The following SPRED1 variants were observed in gnomAD, a reference collection of about 807,000 sequenced individuals.
SPRED1 encodes sprouty related EVH1 domain containing 1, also known as sprouty-related, EVH1 domain-containing protein 1.
SPRED1 carries 18 observed loss-of-function variants against 52.3 expected under a neutral mutation model. The observed-to-expected ratio is 0.34, with a 90% confidence interval of 0.24 to 0.51. The LOEUF is 0.51. Ranked by LOEUF, SPRED1 falls within the 20% of genes least tolerant of loss-of-function variation. The probability of loss-of-function intolerance (pLI) is 0.97; values close to 1 mark genes in which losing one functional copy is unlikely to be tolerated. For synonymous variants in SPRED1, 155 were observed against 179.7 expected, an observed-to-expected ratio of 0.86 and a Z score of 1.10; for missense variants, 485 against 551.0, an observed-to-expected ratio of 0.88 and a Z score of 1.20.
At chr15:38,331,591 A>T (rs566518922) in intron 4 of SPRED1, among the ~76,000 whole-genome samples, 1 of 152,232 alleles carries the variant, frequency 6.6e-6, no homozygotes, top group Non-Finnish European at 1.5e-5. Context: ...TTAAGCACTG[A>T]CATGTGGCTC....
chr15:38,342,793 G>A (rs549977392), intron 5 of SPRED1, among the ~76,000 whole-genome samples: 2 of 152,186 alleles, frequency 1.3e-5, no homozygotes, highest in South Asian at 4.1e-4. Context: ...AAAGCTTCTG[G>A]AATCTGTGAC....
In SPRED1 at chr15:38,277,589, A is replaced by G. The variant is rs111781310; in HGVS notation, c.33-21784A>G. Reference sequence around the variant, plus strand: ...AATGCTGTGATGAACATACATGTGCATGTGTCTTTATGGTAGAATGATTTA... The same window carrying G: ...AATGCTGTGATGAACATACATGTGCGTGTGTCTTTATGGTAGAATGATTTA... On this transcript the variant is annotated intron_variant, in intron 1 of 6. Coordinates refer to ENST00000299084, the MANE Select transcript of SPRED1 (RefSeq NM_152594.3). 8.4e-3 allele frequency among the ~76,000 whole-genome samples: 1,276 copies of G among 152,268 alleles called. 18 individuals are homozygous for G. The highest frequency in any genetic ancestry group is 0.029 in the African/African-American group (1,204 of 41,542).
chr15:38,300,406 T>C (rs116079008), intron 2 of SPRED1, among the ~76,000 whole-genome samples: 278 of 152,288 alleles, frequency 1.8e-3, no homozygotes, highest in African/African-American at 6.4e-3. Flanking sequence ...AAATATATAT[T>C]TGTGGATCTG....
At chr15:38,254,914 T>C (rs745892599) in intron 1 of SPRED1, among the ~76,000 whole-genome samples, 2 of 152,242 alleles carry the variant, frequency 1.3e-5, no homozygotes, top group African/African-American at 2.4e-5. Flanking sequence ...GTAACTTTTA[T>C]TGGTATCTTT....
chr15:38,313,942 C>G (rs962448025), intron 2 of SPRED1, among the ~76,000 whole-genome samples: 3 of 151,666 alleles, frequency 2.0e-5, no homozygotes, highest in African/African-American at 7.3e-5. Context: ...TAAGGGTTTT[C>G]TAATTCTCAT....
intron 1 of SPRED1, among the ~76,000 whole-genome samples, chr15:38,274,960 C>T (rs985129293): frequency 5.3e-5 from 8 of 152,064 alleles, no homozygotes; most frequent in Non-Finnish European, 8.8e-5. Flanking sequence ...TTTGTTTTGC[C>T]AGGTTTTGTA....
At position 38,324,740 on chromosome 15, in the gene SPRED1, TTAAC is replaced by T. The variant is rs770391922; in HGVS notation, c.377-21_377-18del. Reference sequence around the variant, plus strand: ...TCTAAGACAAAAATTCTATACTTAATTAACTTTTATCTATTTTCTTAGGATGCCC... The same window carrying T: ...TCTAAGACAAAAATTCTATACTTAATTTTTATCTATTTTCTTAGGATGCCC... On this transcript the variant is annotated intron_variant, in intron 3 of 6. Coordinates refer to ENST00000299084, the MANE Select transcript of SPRED1 (RefSeq NM_152594.3). 5.1e-6 allele frequency: 8 copies of T among 1,579,156 alleles called. No homozygotes were observed. In the South Asian group the frequency reaches 9.2e-5, roughly 18 times the overall value.
At chr15:38,263,641 G>C (rs905097018) in intron 1 of SPRED1, among the ~76,000 whole-genome samples, 28 of 152,206 alleles carry the variant, frequency 1.8e-4, no homozygotes, top group African/African-American at 5.5e-4. Context: ...TCTAAGACAA[G>C]GATATAACCG....
chr15:38,291,341 G>C (rs1437985734), intron 1 of SPRED1, among the ~76,000 whole-genome samples: 2 of 152,216 alleles, frequency 1.3e-5, no homozygotes, highest in Non-Finnish European at 2.9e-5. Context: ...CTGATGTTGA[G>C]TGTCTGTGGC....
At chr15:38,285,532 G>A (rs1894788858) in intron 1 of SPRED1, among the ~76,000 whole-genome samples, 1 of 152,188 alleles carries the variant, frequency 6.6e-6, no homozygotes, top group African/African-American at 2.4e-5. Context: ...ATGTCCTGAA[G>A]CAGGTGTATG....
At chr15:38,328,201 T>C (rs900573689) in intron 4 of SPRED1, among the ~76,000 whole-genome samples, 2 of 152,228 alleles carry the variant, frequency 1.3e-5, no homozygotes, top group Admixed American at 6.5e-5. Context: ...ACAACTAATA[T>C]AGTTTAAAAG....
At chr15:38,310,470 C>CA (rs978091082) in intron 2 of SPRED1, among the ~76,000 whole-genome samples, 22 of 152,044 alleles carry the variant, frequency 1.4e-4, no homozygotes, top group Admixed American at 1.2e-3. Flanking sequence ...TATGTATCTA[C>CA]AAAAAAACCT....
intron 4 of SPRED1, among the ~76,000 whole-genome samples, chr15:38,338,548 TAGC>T (rs1214505491): frequency 2.0e-5 from 3 of 152,086 alleles, no homozygotes; most frequent in African/African-American, 7.2e-5. Flanking sequence ...TGGGTAAAAA[TAGC>T]AGCCAGTTTT....
chr15:38,343,130 C>T (rs543146549), intron 5 of SPRED1, among the ~76,000 whole-genome samples: 10 of 152,074 alleles, frequency 6.6e-5, no homozygotes, highest in South Asian at 2.1e-4. Flanking sequence ...TAATATTTTA[C>T]GACATAAATG....
intron 1 of SPRED1, among the ~76,000 whole-genome samples, chr15:38,272,621 C>T (rs1419781910): frequency 6.6e-6 from 1 of 152,132 alleles, no homozygotes; most frequent in Non-Finnish European, 1.5e-5. Context: ...AACTGCTCTC[C>T]ACAGTGGCTG....
rs1244316714 is a variant in SPRED1, at chr15:38,352,721, CA to C, written c.*1058del. 4 of 152,036 alleles carry C rather than the reference CA, an allele frequency of 2.6e-5. No homozygotes were observed. Among genetic ancestry groups the C allele is most frequent in the Non-Finnish European group, 5.9e-5 (4 of 67,926 alleles). 9.4% of individuals were successfully genotyped at this position (152,036 alleles called of 1,614,324 possible). ...ATCTTCACGTATCATTCTGCTAAACCAGAATATGTTCAGCTGTGTTACTAAT... is the reference window on the plus strand; with the variant it reads ...ATCTTCACGTATCATTCTGCTAAACCGAATATGTTCAGCTGTGTTACTAAT... On this transcript the variant is annotated 3_prime_UTR_variant, in exon 7 of 7. Transcript: ENST00000299084.
chr15:38,280,290 A>C (rs905680397), intron 1 of SPRED1, among the ~76,000 whole-genome samples: 3 of 152,164 alleles, frequency 2.0e-5, no homozygotes, highest in Admixed American at 1.3e-4. Flanking sequence ...TTTTTGTCAG[A>C]ATCTCTTCAT....
At chr15:38,301,319 T>C (rs941374411) in intron 2 of SPRED1, among the ~76,000 whole-genome samples, 1 of 152,128 alleles carries the variant, frequency 6.6e-6, no homozygotes, top group African/African-American at 2.4e-5. Flanking sequence ...TCAAGAGCAC[T>C]TACCCTAGTC....
intron 1 of SPRED1, among the ~76,000 whole-genome samples, chr15:38,296,252 AC>A (rs1208353013): frequency 6.6e-6 from 1 of 152,144 alleles, no homozygotes; most frequent in Non-Finnish European, 1.5e-5. Context: ...AAAGCAGGTC[AC>A]TTTAGGTGAA....
Sources: gnomAD v4.1 joint callset for allele counts (sites outside exome capture counted in the v4.1 genomes callset) on GRCh38, gnomAD v4.1.1 for gene constraint, MANE v1.5 for transcripts, NCBI Gene and HGNC (gene_info 2026-07-23, HGNC 2026-07-21) for gene names.